The following KHDRBS2 variants were observed in gnomAD, a reference collection of about 807,000 sequenced individuals.
KHDRBS2 encodes the protein KH domain-containing, RNA-binding, signal transduction-associated protein 2.
In KHDRBS2, 26 loss-of-function variants were observed where a neutral mutation model predicts 44.3. The ratio of observed to expected loss-of-function variants is 0.59; its 90% CI spans 0.43 to 0.81. The LOEUF (loss-of-function observed/expected upper bound fraction) is 0.81. KHDRBS2 is among the 40% of genes least tolerant of loss of function. KHDRBS2 has a pLI of 0.00. For missense variants in KHDRBS2, 476 were observed against 433.1 expected (o/e 1.10, Z -0.88); for synonymous variants, 194 against 151.1 (o/e 1.28, Z -2.08).
At chr6:61,666,730 A>T in the KHDRBS2 span, among the ~76,000 whole-genome samples, 1 of 151,474 alleles carries the variant, frequency 6.6e-6, no homozygotes, top group Non-Finnish European at 1.5e-5. Context: ...CAGCAAATTA[A>T]TTGTAAAACA....
At chr6:61,960,546 T>A (rs1018174239) in intron 4 of KHDRBS2, among the ~76,000 whole-genome samples, 1 of 152,062 alleles carries the variant, frequency 6.6e-6, no homozygotes, top group Admixed American at 6.6e-5. Flanking sequence ...AACATATTGA[T>A]CCTTAGATCA....
At position 61,852,208 on chromosome 6, in the gene KHDRBS2, C is replaced by A. The variant is rs181237331; in HGVS notation, c.810+42427G>T. 5.4e-3 allele frequency among the ~76,000 whole-genome samples: 820 copies of A among 151,064 alleles called. 7 individuals carry two copies. The highest frequency in any genetic ancestry group is 7.0e-3 in the Middle Eastern group (2 of 286). On this transcript the variant is annotated intron_variant, in intron 6 of 8. Transcript: ENST00000281156. ...CTGTACTCCAGCCTGGGCAATGGAA[C>A]AAAACTCCGTCCAAAAATAAATAAA...
chr6:62,181,233 A>C (rs1202306535), intron 1 of KHDRBS2, among the ~76,000 whole-genome samples: 1 of 151,962 alleles, frequency 6.6e-6, no homozygotes, highest in Non-Finnish European at 1.5e-5. Flanking sequence ...ACAGCAAAAG[A>C]AACAGTCAAC....
At chr6:62,078,382 C>G (rs1796742984) in intron 2 of KHDRBS2, among the ~76,000 whole-genome samples, 1 of 151,788 alleles carries the variant, frequency 6.6e-6, no homozygotes, top group African/African-American at 2.4e-5. Flanking sequence ...ATGGCTTTAT[C>G]AGAGAGGATA....
intron 6 of KHDRBS2, among the ~76,000 whole-genome samples, chr6:61,825,874 TAA>T (rs2081134299): frequency 6.6e-6 from 1 of 152,108 alleles, no homozygotes; most frequent in Non-Finnish European, 1.5e-5. Context: ...TTAAATTAAA[TAA>T]GTCAATATTT....
At chr6:61,816,756 C>A in intron 6 of KHDRBS2, 1 of 370,884 alleles carries the variant, frequency 2.7e-6, no homozygotes, top group South Asian at 2.0e-5. Context: ...CGTAATGAAA[C>A]AAAATTAACT....
intron 2 of KHDRBS2, among the ~76,000 whole-genome samples, chr6:62,161,301 T>C (rs1817565269): frequency 6.6e-6 from 1 of 151,870 alleles, no homozygotes; most frequent in Non-Finnish European, 1.5e-5. Context: ...TGGCCCTGCA[T>C]ATTCACAATT....
intron 1 of KHDRBS2, among the ~76,000 whole-genome samples, chr6:62,232,541 TACACCTGAAATACACACCTAC>T (rs1479384520): frequency 6.6e-6 from 1 of 151,966 alleles, no homozygotes; most frequent in South Asian, 2.1e-4. Flanking sequence ...CAACAAAACA[TACACCTGAAATACACACCTAC>T]ACACCTGAAA....
intron 1 of KHDRBS2, among the ~76,000 whole-genome samples, chr6:62,222,138 T>A (rs1227145269): frequency 6.6e-6 from 1 of 152,052 alleles, no homozygotes; most frequent in East Asian, 1.9e-4. Flanking sequence ...AATTGTGTGA[T>A]AAACAGTAGA....
chr6:62,072,864 T>G (rs573168178), intron 2 of KHDRBS2, among the ~76,000 whole-genome samples: 5 of 152,266 alleles, frequency 3.3e-5, no homozygotes, highest in Admixed American at 3.3e-4. Flanking sequence ...ATAAAATGAG[T>G]TAGGGACGAT....
At chr6:61,544,652 A>G in the KHDRBS2 span, among the ~76,000 whole-genome samples, 2 of 152,106 alleles carry the variant, frequency 1.3e-5, no homozygotes, top group African/African-American at 4.8e-5. Context: ...ACATTAGATA[A>G]GAGGCTCAGT....
At chr6:62,062,164 C>A (rs1388891833) in intron 2 of KHDRBS2, among the ~76,000 whole-genome samples, 1 of 148,426 alleles carries the variant, frequency 6.7e-6, no homozygotes, top group Admixed American at 6.8e-5. Flanking sequence ...CTTAGACTCC[C>A]ACACATTAAT....
intron 1 of KHDRBS2, among the ~76,000 whole-genome samples, chr6:62,194,176 T>G (rs1472787316): frequency 3.9e-5 from 6 of 152,132 alleles, no homozygotes; most frequent in African/African-American, 7.2e-5. Context: ...ACTTCTATGT[T>G]TTTTTCCAGG....
chr6:61,693,188 C>T (rs979918429), intron 8 of KHDRBS2, among the ~76,000 whole-genome samples: 2 of 152,008 alleles, frequency 1.3e-5, no homozygotes, highest in African/African-American at 2.4e-5. Flanking sequence ...TGATATTTGA[C>T]TTGTGTGGGT....
chr6:62,123,402 G>A (rs1421057672), intron 2 of KHDRBS2, among the ~76,000 whole-genome samples: 1 of 152,038 alleles, frequency 6.6e-6, no homozygotes, highest in Non-Finnish European at 1.5e-5. Flanking sequence ...ATAAACTTTT[G>A]GGTATATACC....
At chr6:61,802,582 T>A (rs1000745027) in intron 6 of KHDRBS2, among the ~76,000 whole-genome samples, 1 of 152,142 alleles carries the variant, frequency 6.6e-6, no homozygotes, top group Admixed American at 6.6e-5. Flanking sequence ...TATTTTCTCC[T>A]AAATTCTAGT....
intron 4 of KHDRBS2, among the ~76,000 whole-genome samples, chr6:61,937,976 G>A (rs2127372717): frequency 6.6e-6 from 1 of 152,024 alleles, no homozygotes; most frequent in South Asian, 2.1e-4. Flanking sequence ...GGTAATAGGA[G>A]TTGTTTCTTA....
intron 2 of KHDRBS2, among the ~76,000 whole-genome samples, chr6:62,169,151 ATATATACGTACACATATATG>A (rs1819400256): frequency 1.6e-4 from 15 of 91,242 alleles, no homozygotes; most frequent in African/African-American, 4.9e-4. Context: ...ATATGTGTGT[ATATATACGTACACATATATG>A]TATATATGTA....
chr6:61,789,282 G>A (rs1167691122), intron 6 of KHDRBS2, among the ~76,000 whole-genome samples: 3 of 151,312 alleles, frequency 2.0e-5, no homozygotes, highest in South Asian at 4.1e-4. Flanking sequence ...AGCAAAACTT[G>A]AGTATTTAAA....
Sources: allele counts gnomAD v4.1 joint callset (sites outside exome capture counted in the v4.1 genomes callset), GRCh38; gene constraint gnomAD v4.1.1; transcripts MANE v1.5; gene names NCBI Gene and HGNC (gene_info 2026-07-23, HGNC 2026-07-21).